APP: variants seen among roughly 807,000 people sequenced by gnomAD.
APP encodes the protein amyloid beta precursor protein, also known as amyloid-beta precursor protein.
In APP, 31 loss-of-function variants were observed where a neutral mutation model predicts 101.4. That is an observed-to-expected ratio of 0.31 (90% CI 0.23 to 0.41). The LOEUF (loss-of-function observed/expected upper bound fraction) is 0.41, where lower values mean the gene tolerates loss of function less well. Ranked by LOEUF, APP falls within the 10% of genes least tolerant of loss-of-function variation. The pLI is 1.00. For synonymous variants in APP, 366 were observed against 364.4 expected (o/e 1.00, Z -0.05); for missense variants, 839 against 1,003.7 (o/e 0.84, Z 2.22).
intron 1 of APP, among the ~76,000 whole-genome samples, chr21:26,167,706 T>A (rs1320748282): frequency 6.6e-6 from 1 of 152,226 alleles, no homozygotes; most frequent in Admixed American, 6.5e-5. Flanking sequence ...GAATCAGCCA[T>A]TCCTCATTTA....
intron 5 of APP, among the ~76,000 whole-genome samples, chr21:26,031,961 G>T (rs545124544): frequency 1.3e-5 from 2 of 152,336 alleles, no homozygotes; most frequent in African/African-American, 4.8e-5. Flanking sequence ...AGGAGAAGAA[G>T]CCATGTGGCT....
intron 13 of APP, among the ~76,000 whole-genome samples, chr21:25,940,834 T>C (rs2040546347): frequency 1.3e-5 from 2 of 152,188 alleles, no homozygotes; most frequent in African/African-American, 2.4e-5. Context: ...CCTGGACAGC[T>C]TGATAAAATA....
chr21:26,067,254 T>C (rs1172171292), intron 3 of APP, among the ~76,000 whole-genome samples: 1 of 152,226 alleles, frequency 6.6e-6, no homozygotes, highest in Non-Finnish European at 1.5e-5. Context: ...CATTAAGACA[T>C]TCTACATTTG....
intron 1 of APP, among the ~76,000 whole-genome samples, chr21:26,126,895 T>A (rs1451158641): frequency 6.6e-6 from 1 of 151,394 alleles, no homozygotes; most frequent in Non-Finnish European, 1.5e-5. Context: ...ACTCAAAACA[T>A]AATTAATCCA....
intron 3 of APP, among the ~76,000 whole-genome samples, chr21:26,054,295 G>C (rs11911318): frequency 0.019 from 2,933 of 152,108 alleles, 83 homozygotes; most frequent in African/African-American, 0.067. Context: ...CTTCCATAAC[G>C]TAAGGATAGA....
intron 1 of APP, 25 bp downstream of exon 1, chr21:26,170,539 C>T (rs373183295): frequency 6.5e-7 from 1 of 1,536,800 alleles, no homozygotes; most frequent in Non-Finnish European, 8.7e-7. Flanking sequence ...CAGCCTCCCC[C>T]CGCCTTCCGA....
At chr21:26,126,680 A>G (rs150143258) in intron 1 of APP, among the ~76,000 whole-genome samples, 18 of 152,198 alleles carry the variant, frequency 1.2e-4, no homozygotes, top group Non-Finnish European at 2.5e-4. Flanking sequence ...ACATCCTACA[A>G]TGTACAGGCA....
chr21:26,025,207 T>G (rs55760856), intron 5 of APP, among the ~76,000 whole-genome samples: 10,462 of 152,306 alleles, frequency 0.069, 501 homozygotes, highest in Non-Finnish European at 0.11. Flanking sequence ...TGCCCTGAGC[T>G]TCTGCCTTTG....
rs1399681692 is a variant in APP at position 25,897,690 on chromosome 21, T to TTAAAG, written c.1964-22_1964-18dup. The TTAAAG allele has an allele frequency of 1.3e-6, 2 of 1,591,000 alleles. No individual in the cohort carries two copies. On this transcript the variant is annotated splice_polypyrimidine_tract_variant and intron_variant, in intron 15 of 17. Transcript: ENST00000346798. Reference sequence around the variant, plus strand: ...ACCCAGAACCTGTATTACATCATAATTAAAGTATGCAGGACAACCAATTAG... The same window carrying TTAAAG: ...ACCCAGAACCTGTATTACATCATAATTAAAGTAAAGTATGCAGGACAACCAATTAG...
chr21:25,892,041 T>C (rs2037731340), intron 16 of APP, among the ~76,000 whole-genome samples, 173 bp from the exon 17 acceptor site: 1 of 114,474 alleles, frequency 8.7e-6, no homozygotes, highest in South Asian at 3.9e-4. Flanking sequence ...ATTTGATGCT[T>C]ACTTTAAAAA....
intron 1 of APP, among the ~76,000 whole-genome samples, chr21:26,130,196 A>G (rs1414487430): frequency 6.6e-6 from 1 of 152,238 alleles, no homozygotes; most frequent in African/African-American, 2.4e-5. Context: ...TGGACACACA[A>G]TACCATTCTG....
At chr21:26,102,889 CAAAAA>C (rs3084283) in intron 2 of APP, among the ~76,000 whole-genome samples, 5 of 63,090 alleles carry the variant, frequency 7.9e-5, no homozygotes, top group East Asian at 5.4e-4. Flanking sequence ...GACTCTGTCT[CAAAAA>C]AAAAAAAAAA....
intron 3 of APP, among the ~76,000 whole-genome samples, chr21:26,063,768 A>T (rs2046359108): frequency 6.6e-6 from 1 of 152,240 alleles, no homozygotes; most frequent in African/African-American, 2.4e-5. Context: ...TCTGCCCTCA[A>T]GAAAATGAAG....
chr21:26,096,066 G>C (rs1424170130), intron 2 of APP, among the ~76,000 whole-genome samples: 1 of 152,184 alleles, frequency 6.6e-6, no homozygotes, highest in Non-Finnish European at 1.5e-5. Flanking sequence ...AGCATTTGCT[G>C]TATAAATACG....
intron 6 of APP, among the ~76,000 whole-genome samples, chr21:26,014,116 G>T (rs1042123329): frequency 9.2e-5 from 14 of 152,160 alleles, no homozygotes; most frequent in African/African-American, 3.4e-4. Context: ...CTTTTGCCCT[G>T]TTCCCAAATA....
intron 11 of APP, among the ~76,000 whole-genome samples, chr21:25,960,377 A>C (rs1046258664): frequency 6.6e-6 from 1 of 152,064 alleles, no homozygotes; most frequent in African/African-American, 2.4e-5. Flanking sequence ...GGAGGCCTGT[A>C]GAGTTTCTTC....
chr21:25,930,915 G>T (rs2040119160), intron 13 of APP, among the ~76,000 whole-genome samples: 1 of 152,198 alleles, frequency 6.6e-6, no homozygotes, highest in African/African-American at 2.4e-5. Flanking sequence ...GCTTGGAAAT[G>T]AATGGAAAGC....
intron 1 of APP, among the ~76,000 whole-genome samples, chr21:26,166,927 G>GGT (rs10600074): frequency 0.015 from 2,181 of 148,590 alleles, 17 homozygotes; most frequent in Middle Eastern, 0.035. Context: ...AGAGACAGAG[G>GGT]GTGTGTGTGT....
chr21:25,939,932 T>G (rs2040505271), intron 13 of APP, among the ~76,000 whole-genome samples: 1 of 152,190 alleles, frequency 6.6e-6, no homozygotes, highest in Admixed American at 6.5e-5. Context: ...TCCTTCCTTT[T>G]TAATCAGAAT....
Sources: gnomAD v4.1 joint callset for allele counts (sites outside exome capture counted in the v4.1 genomes callset) on GRCh38, gnomAD v4.1.1 for gene constraint, MANE v1.5 for transcripts, NCBI Gene and HGNC (gene_info 2026-07-23, HGNC 2026-07-21) for gene names.